The following BRINP3 variants were observed in gnomAD, a reference collection of about 807,000 sequenced individuals.
The protein encoded by BRINP3 is BMP/retinoic acid-inducible neural-specific protein 3.
BRINP3 carries 19 observed loss-of-function variants against 71.0 expected under a neutral mutation model. The observed-to-expected ratio is 0.27, with a 90% confidence interval of 0.19 to 0.39. BRINP3 has a LOEUF of 0.39. Among genes scored for constraint, BRINP3 ranks in the 10% least tolerant of loss-of-function variants. BRINP3 has a pLI of 1.00. For missense variants in BRINP3, 959 were observed against 940.8 expected (o/e 1.02, Z -0.25); for synonymous variants, 380 against 337.7 (o/e 1.13, Z -1.37).
At chr1:190,420,612 G>A (rs976731982) in intron 2 of BRINP3, among the ~76,000 whole-genome samples, 2 of 151,868 alleles carry the variant, frequency 1.3e-5, no homozygotes, top group Non-Finnish European at 2.9e-5. Flanking sequence ...AAAGTGTTAA[G>A]TTTTGAAAAC....
intron 2 of BRINP3, among the ~76,000 whole-genome samples, chr1:190,378,409 T>A (rs543556852): frequency 6.6e-6 from 1 of 152,284 alleles, no homozygotes; most frequent in East Asian, 1.9e-4. Context: ...TGTAGGCAAT[T>A]CTCCATGGGG....
chr1:190,292,874 TTTGTGTTATTTA>T (rs1402264134), intron 2 of BRINP3, among the ~76,000 whole-genome samples: 7 of 152,068 alleles, frequency 4.6e-5, no homozygotes, highest in Admixed American at 4.6e-4. Context: ...CTTTTGTATT[TTTGTGTTATTTA>T]TTGTAATGTC....
intron 6 of BRINP3, among the ~76,000 whole-genome samples, chr1:190,184,663 G>A (rs1465691287): frequency 6.6e-6 from 1 of 152,072 alleles, no homozygotes; most frequent in Non-Finnish European, 1.5e-5. Flanking sequence ...CTCACGTATA[G>A]ACGTATAGTG....
At chr1:190,436,397 T>C (rs1674455555) in intron 2 of BRINP3, among the ~76,000 whole-genome samples, 1 of 151,824 alleles carries the variant, frequency 6.6e-6, no homozygotes, top group African/African-American at 2.4e-5. Flanking sequence ...TCTTAAAATA[T>C]ATGTGGTCAA....
At chr1:190,337,901 T>C (rs1667396629) in intron 2 of BRINP3, among the ~76,000 whole-genome samples, 3 of 152,084 alleles carry the variant, frequency 2.0e-5, no homozygotes, top group Admixed American at 2.0e-4. Flanking sequence ...TCTGTGTTTT[T>C]TAAACTATGA....
intron 7 of BRINP3, among the ~76,000 whole-genome samples, chr1:190,111,019 C>G (rs1652622348): frequency 6.6e-6 from 1 of 151,378 alleles, no homozygotes; most frequent in Non-Finnish European, 1.5e-5. Flanking sequence ...ACTAAAAATA[C>G]AAAAAGAAAT....
intron 3 of BRINP3, among the ~76,000 whole-genome samples, chr1:190,265,583 G>T (rs1022948207): frequency 6.7e-6 from 1 of 148,572 alleles, no homozygotes; most frequent in African/African-American, 2.5e-5. Flanking sequence ...GCGTGGTGGC[G>T]GGCGCCAGTA....
intron 2 of BRINP3, among the ~76,000 whole-genome samples, chr1:190,316,393 T>C (rs1210224803): frequency 6.6e-6 from 1 of 152,032 alleles, no homozygotes; most frequent in Non-Finnish European, 1.5e-5. Context: ...GCCAAAGAAG[T>C]GTGGCTACAG....
chr1:190,328,154 A>C (rs1175433635), intron 2 of BRINP3, among the ~76,000 whole-genome samples: 1 of 152,114 alleles, frequency 6.6e-6, no homozygotes, highest in African/African-American at 2.4e-5. Flanking sequence ...GGGGAACTAG[A>C]AAAAGAAACA....
At chr1:190,430,229 T>C (rs1457986080) in intron 2 of BRINP3, among the ~76,000 whole-genome samples, 2 of 152,300 alleles carry the variant, frequency 1.3e-5, no homozygotes, top group Admixed American at 6.5e-5. Context: ...TCAGTTTTGC[T>C]CTTCATTAGG....
At chr1:190,460,928 C>A (rs1676353020) in intron 1 of BRINP3, among the ~76,000 whole-genome samples, 1 of 152,102 alleles carries the variant, frequency 6.6e-6, no homozygotes, top group African/African-American at 2.4e-5. Context: ...TTGATCAGCT[C>A]ATAGTATACG....
intron 7 of BRINP3, among the ~76,000 whole-genome samples, chr1:190,110,144 G>C (rs963002613): frequency 3.3e-5 from 5 of 152,060 alleles, no homozygotes; most frequent in Non-Finnish European, 1.5e-5. Flanking sequence ...TGCTTACTTA[G>C]CCTTTGCAAC....
intron 7 of BRINP3, among the ~76,000 whole-genome samples, chr1:190,116,489 C>T (rs1653147073): frequency 6.6e-6 from 1 of 152,008 alleles, no homozygotes; most frequent in Non-Finnish European, 1.5e-5. Flanking sequence ...CACCTGCTGT[C>T]CTTTCTGTTA....
chr1:190,185,967 C>T (rs569913244), intron 6 of BRINP3, among the ~76,000 whole-genome samples: 14 of 152,124 alleles, frequency 9.2e-5, no homozygotes, highest in South Asian at 6.2e-4. Flanking sequence ...ATAATGAATA[C>T]GCTAATTACT....
intron 2 of BRINP3, among the ~76,000 whole-genome samples, chr1:190,328,283 G>A (rs1666741035): frequency 6.6e-6 from 1 of 152,020 alleles, no homozygotes; most frequent in African/African-American, 2.4e-5. Context: ...TTATTTGAAA[G>A]GATAAGCAAC....
At chr1:190,367,058 C>A (rs1250035681) in intron 2 of BRINP3, among the ~76,000 whole-genome samples, 1 of 152,224 alleles carries the variant, frequency 6.6e-6, no homozygotes, top group East Asian at 1.9e-4. Context: ...CCTCTTCTCA[C>A]AGCTCCACTG....
At chr1:190,234,325 A>T in intron 5 of BRINP3, 47 bp downstream of exon 5, 1 of 1,390,022 alleles carries the variant, frequency 7.2e-7, no homozygotes, top group Non-Finnish European at 1.0e-6. Context: ...CGACTGGATA[A>T]TTGCTATTCA....
intron 3 of BRINP3, among the ~76,000 whole-genome samples, chr1:190,277,008 T>TA (rs1054735998): frequency 5.5e-5 from 8 of 144,290 alleles, no homozygotes; most frequent in African/African-American, 1.7e-4. Flanking sequence ...ATGCCTAGAA[T>TA]AAAAACTATT....
At position 190,120,684 on chromosome 1, in the gene BRINP3, T is replaced by C. The variant is rs796905096; in HGVS notation, c.1185-21550A>G. Among the ~76,000 whole-genome samples, 13 of 151,478 alleles carry C rather than the reference T, an allele frequency of 8.6e-5. 1 individual carries two copies. The highest frequency in any genetic ancestry group is 3.2e-4 in the African/African-American group (13 of 41,228). On this transcript the variant is annotated intron_variant, in intron 7 of 7. Transcript: ENST00000367462. ...TAATTTTTTTTTTTTTTTGTATTTT[T>C]AGTAAAGACGGAATTTCAACATCTT...
Sources: allele counts gnomAD v4.1 joint callset (sites outside exome capture counted in the v4.1 genomes callset), GRCh38; gene constraint gnomAD v4.1.1; transcripts MANE v1.5; gene names NCBI Gene and HGNC (gene_info 2026-07-23, HGNC 2026-07-21).